The following LARP1 variants were observed in gnomAD, a reference collection of about 807,000 sequenced individuals.
LARP1 encodes la-related protein 1.
In LARP1, 36 loss-of-function variants were observed where a neutral mutation model predicts 122.7. The observed-to-expected ratio is 0.29, with a 90% CI of 0.22 to 0.39. LARP1 has a LOEUF of 0.39. Ranked by LOEUF, LARP1 falls within the 10% of genes least tolerant of loss-of-function variation. The pLI is 1.00. For missense variants in LARP1, 1,040 were observed against 1,403.6 expected (o/e 0.74, Z 4.14); for synonymous variants, 539 against 528.7 (o/e 1.02, Z -0.27).
intron 1 of LARP1, among the ~76,000 whole-genome samples, chr5:154,776,679 T>C (rs1394860552): frequency 1.3e-5 from 2 of 152,200 alleles, no homozygotes; most frequent in Non-Finnish European, 2.9e-5. Flanking sequence ...TTCTGGAGTT[T>C]ATAGAGGGAG....
At chr5:154,768,328 C>T (rs1755116553) in intron 1 of LARP1, among the ~76,000 whole-genome samples, 1 of 152,150 alleles carries the variant, frequency 6.6e-6, no homozygotes. Context: ...AGGTGTCAGG[C>T]CCTGAGATTC....
intron 15 of LARP1, among the ~76,000 whole-genome samples, chr5:154,807,317 G>T (rs1758867735): frequency 6.6e-6 from 1 of 152,218 alleles, no homozygotes; most frequent in South Asian, 2.1e-4. Context: ...CAGGTTTCCT[G>T]TAGACGTAGT....
chr5:154,713,040 G>A (rs146034823), exon 1 of LARP1: 83 of 1,614,060 alleles, frequency 5.1e-5, no homozygotes, highest in South Asian at 2.3e-4. Flanking sequence ...GAAAAACAGC[G>A]TGGCCTTGGC....
intron 1 of LARP1, among the ~76,000 whole-genome samples, chr5:154,777,452 CAG>C (rs1473854813): frequency 2.6e-5 from 4 of 152,102 alleles, no homozygotes; most frequent in East Asian, 1.9e-4. Context: ...ATCCAGGAGA[CAG>C]AGGTTGCAGT....
intron 16 of LARP1, among the ~76,000 whole-genome samples, chr5:154,809,798 C>T (rs550806968): frequency 1.5e-3 from 226 of 151,468 alleles, no homozygotes; most frequent in Admixed American, 3.5e-3. Context: ...CTCCACCTCC[C>T]GGGTTCACGC....
intron 1 of LARP1, among the ~76,000 whole-genome samples, chr5:154,724,180 T>C (rs1350240734): frequency 2.6e-5 from 4 of 152,248 alleles, no homozygotes; most frequent in African/African-American, 9.6e-5. Context: ...TTGTTTACTA[T>C]ACTAATCCTT....
upstream of LARP1, among the ~76,000 whole-genome samples, chr5:154,711,106 C>T (rs1205802783): frequency 6.6e-6 from 1 of 151,440 alleles, no homozygotes; most frequent in Non-Finnish European, 1.5e-5. Flanking sequence ...ACTACATATT[C>T]CGTCAGTGTC....
Position 154,803,829 on chromosome 5 carries a change from T to C in LARP1, c.2439+84T>C, listed in dbSNP as rs1358452197. On this transcript the variant is annotated intron_variant, in intron 13 of 18. Transcript: ENST00000518297. This position sits in a 1 kb window ranked among gnomAD's most constrained non-coding sequence, Gnocchi z 4.4. The stretch of plus-strand genomic sequence containing the variant: ...CTTTGCTTCTCTCCCTTGCCTTGTC[T>C]GAGCTAAGGAAGTGCTAAATCCTTC... 4.4e-6 allele frequency: 6 copies of C among 1,378,372 alleles called. No individual in the cohort carries two copies. Among genetic ancestry groups the C allele is most frequent in the African/African-American group, 2.9e-5 (2 of 69,888 alleles). The allele number at this position is 1,378,372 out of a possible 1,614,324, so 85.4% of individuals were successfully genotyped here. A position where few individuals can be genotyped will look rare whatever the true frequency, so the allele number is the denominator to read the frequency against.
chr5:154,773,112 C>T (rs1265075023), intron 1 of LARP1, among the ~76,000 whole-genome samples: 1 of 151,800 alleles, frequency 6.6e-6, no homozygotes, highest in Non-Finnish European at 1.5e-5. Flanking sequence ...TTAGTCCGCC[C>T]AGTTTTTGTA....
At chr5:154,721,054 A>AG (rs1491271352) in intron 1 of LARP1, among the ~76,000 whole-genome samples, 1 of 151,906 alleles carries the variant, frequency 6.6e-6, no homozygotes, top group Non-Finnish European at 1.5e-5. Context: ...GAAAAAAAAA[A>AG]GAGGGGTGCT....
intron 18 of LARP1, 104 bp downstream of exon 18, chr5:154,811,744 C>G (rs1414962161): frequency 7.3e-7 from 1 of 1,374,310 alleles, no homozygotes; most frequent in African/African-American, 1.4e-5. Context: ...GCCCAGGAAC[C>G]CCTCTCCCTG....
intron 1 of LARP1, among the ~76,000 whole-genome samples, chr5:154,769,289 G>A (rs765356207): frequency 3.3e-5 from 5 of 152,218 alleles, no homozygotes; most frequent in African/African-American, 4.8e-5. Context: ...GGTGAAGAGT[G>A]CCACAGCTTG....
At chr5:154,700,531 C>T (rs1341027294) in intron 1 of LARP1, among the ~76,000 whole-genome samples, 1 of 151,934 alleles carries the variant, frequency 6.6e-6, no homozygotes, top group Non-Finnish European at 1.5e-5. Context: ...GACCCTGTCT[C>T]AAATGAAATA....
chr5:154,755,061 C>A (rs1470798104), upstream of LARP1, among the ~76,000 whole-genome samples: 3 of 152,018 alleles, frequency 2.0e-5, no homozygotes, highest in South Asian at 4.1e-4. Context: ...CTCCTATCCC[C>A]GTCAGCGCCC....
chr5:154,743,179 A>T (rs1433011892), intron 1 of LARP1, among the ~76,000 whole-genome samples: 2 of 152,222 alleles, frequency 1.3e-5, no homozygotes, highest in Non-Finnish European at 2.9e-5. Flanking sequence ...CTCCTTGAGA[A>T]GTCCCACCCT....
chr5:154,744,069 C>T (rs757672801), intron 1 of LARP1, among the ~76,000 whole-genome samples: 5 of 152,108 alleles, frequency 3.3e-5, no homozygotes, highest in East Asian at 1.9e-4. Flanking sequence ...GTCACATGAC[C>T]GCAACCGAGA....
intron 1 of LARP1, among the ~76,000 whole-genome samples, chr5:154,735,857 C>T (rs1756867794): frequency 6.6e-6 from 1 of 152,004 alleles, no homozygotes; most frequent in East Asian, 1.9e-4. Context: ...AGGCATGAGG[C>T]ACTGCACCTG....
chr5:154,779,440 C>T (rs779235737), intron 1 of LARP1, among the ~76,000 whole-genome samples: 4 of 151,900 alleles, frequency 2.6e-5, no homozygotes, highest in Admixed American at 6.6e-5. Flanking sequence ...CTCTTAACTC[C>T]GTGGCATAGT....
chr5:154,718,184 G>A (rs1755631041), intron 1 of LARP1, among the ~76,000 whole-genome samples: 1 of 152,092 alleles, frequency 6.6e-6, no homozygotes, highest in Admixed American at 6.6e-5. Flanking sequence ...AGCCTCCTGA[G>A]TTGCTGGGAT....
Sources: gnomAD v4.1 joint callset for allele counts (sites outside exome capture counted in the v4.1 genomes callset) on GRCh38, gnomAD v4.1.1 for gene constraint, Gnocchi (gnomAD v3.1) non-coding constraint, MANE v1.5 for transcripts, NCBI Gene and HGNC (gene_info 2026-07-23, HGNC 2026-07-21) for gene names.